SPOCK3: variants seen among roughly 807,000 people sequenced by gnomAD.
SPOCK3 encodes the protein testican-3.
Under a neutral mutation model 56.6 loss-of-function variants are expected in SPOCK3, and 30 were observed. The ratio of observed to expected loss-of-function variants is 0.53; its 90% CI spans 0.40 to 0.72. SPOCK3 has a LOEUF of 0.72. Among genes scored for constraint, SPOCK3 ranks in the 30% least tolerant of loss-of-function variants. The probability of loss-of-function intolerance (pLI) is 0.00; values close to 1 mark genes in which losing one functional copy is unlikely to be tolerated. For synonymous variants in SPOCK3, 196 were observed against 183.3 expected (o/e 1.07, Z -0.56); for missense variants, 527 against 530.0 (o/e 0.99, Z 0.06).
intron 6 of SPOCK3, among the ~76,000 whole-genome samples, chr4:166,847,682 A>ATATATATATATATATATATATAT (rs1560926835): frequency 1.1e-3 from 29 of 27,216 alleles, no homozygotes; most frequent in South Asian, 2.5e-3. Flanking sequence ...TATATATATA[A>ATATATATATATATATATATATAT]GAATCATGTT....
chr4:167,113,372 A>AAT (rs771176963), intron 2 of SPOCK3, among the ~76,000 whole-genome samples: 11 of 137,758 alleles, frequency 8.0e-5, no homozygotes, highest in African/African-American at 3.3e-4. Context: ...TTCTTCTTAC[A>AAT]ATTTTTTTTT....
At chr4:167,073,297 G>T (rs757290962) in intron 2 of SPOCK3, among the ~76,000 whole-genome samples, 1 of 151,520 alleles carries the variant, frequency 6.6e-6, no homozygotes, top group Non-Finnish European at 1.5e-5. Flanking sequence ...ATGCATGTCC[G>T]TCTGATTAAA....
intron 5 of SPOCK3, among the ~76,000 whole-genome samples, chr4:166,901,911 T>C (rs1029644416): frequency 1.3e-5 from 2 of 152,082 alleles, no homozygotes; most frequent in African/African-American, 4.8e-5. Flanking sequence ...TGAACAGATT[T>C]GGTTCAAACA....
Position 166,980,780 on chromosome 4 carries a change from C to T in SPOCK3, c.350+19569G>A, listed in dbSNP as rs563687820. Among the ~76,000 whole-genome samples the T allele has an allele frequency of 2.6e-5, 4 of 152,310 alleles. No individual in the cohort carries two copies. In the East Asian group the frequency reaches 7.7e-4, roughly 29 times the overall value. On this transcript the variant is annotated intron_variant, in intron 4 of 10. Coordinates refer to ENST00000357545, the MANE Select transcript of SPOCK3 (RefSeq NM_001040159.2). ...CCTGTGTGAGGGGAATGTGGCAATG[C>T]CTAGAAGCTTGGAGCCACTAGAAAC...
chr4:166,748,466 A>T lies in SPOCK3; in HGVS notation c.931+6042T>A, dbSNP rs1324076731. On this transcript the variant is annotated intron_variant, in intron 8 of 10. Coordinates refer to ENST00000357545, the MANE Select transcript of SPOCK3 (RefSeq NM_001040159.2). ...AGCTGAAACTGGATGCCTTCCTTAC[A>T]TCATATACAAAAGTTAACTCAAGAT... is the stretch of plus-strand genomic sequence containing the variant. Among the ~76,000 whole-genome samples, 6 of 137,212 alleles carry T rather than the reference A, an allele frequency of 4.4e-5. 2 individuals are homozygous for T. The highest frequency in any genetic ancestry group is 1.9e-4 in the African/African-American group (6 of 32,176). 90.0% of individuals were successfully genotyped at this position (137,212 alleles called of 152,430 possible).
intron 7 of SPOCK3, among the ~76,000 whole-genome samples, chr4:166,787,695 A>G (rs1740882530): frequency 6.6e-6 from 1 of 152,180 alleles, no homozygotes; most frequent in African/African-American, 2.4e-5. Context: ...CAATTCACAT[A>G]ATTTTAAAAA....
At position 166,978,611 on chromosome 4, in the gene SPOCK3, A is replaced by T. The variant is rs1162180814; in HGVS notation, c.350+21738T>A. 2.0e-5 allele frequency among the ~76,000 whole-genome samples: 3 copies of T among 152,184 alleles called. No individual in the cohort carries two copies. In the South Asian group the frequency reaches 6.2e-4, roughly 32 times the overall value. On this transcript the variant is annotated intron_variant, in intron 4 of 10. Coordinates refer to ENST00000357545, the MANE Select transcript of SPOCK3 (RefSeq NM_001040159.2). The stretch of plus-strand genomic sequence containing the variant: ...GCTTGGAGTGATGTACTTTATATAA[A>T]TTGCCACTTGCATTAACAGTTTAAA...
At chr4:166,979,489 T>G (rs1746345770) in intron 4 of SPOCK3, among the ~76,000 whole-genome samples, 1 of 152,252 alleles carries the variant, frequency 6.6e-6, no homozygotes, top group Non-Finnish European at 1.5e-5. Flanking sequence ...CCATCTGTTT[T>G]GCTCTGAATA....
At chr4:166,986,460 G>A (rs888201577) in intron 4 of SPOCK3, among the ~76,000 whole-genome samples, 1 of 152,090 alleles carries the variant, frequency 6.6e-6, no homozygotes, top group African/African-American at 2.4e-5. Context: ...GCCTTGTCAC[G>A]GTGTCCCCTT....
intron 8 of SPOCK3, 43 bp downstream of exon 8, chr4:166,754,464 CA>C (rs1241188872): frequency 6.4e-7 from 1 of 1,569,518 alleles, no homozygotes; most frequent in Non-Finnish European, 8.6e-7. Context: ...TAAAATTTGA[CA>C]TGCAGGTCAA....
chr4:166,875,583 C>T (rs972620439), intron 6 of SPOCK3, among the ~76,000 whole-genome samples: 3 of 151,958 alleles, frequency 2.0e-5, no homozygotes, highest in Non-Finnish European at 2.9e-5. Flanking sequence ...ATACCCACAC[C>T]CTCTTTAAGA....
intron 8 of SPOCK3, among the ~76,000 whole-genome samples, chr4:166,746,127 C>T (rs1735576968): frequency 6.6e-6 from 1 of 152,124 alleles, no homozygotes; most frequent in East Asian, 1.9e-4. Context: ...CAGCTCTGCA[C>T]CAAGCAGACT....
At position 167,167,615 on chromosome 4, in the gene SPOCK3, C is replaced by CT. The variant is rs559635967; in HGVS notation, c.189+66369dup. Reference sequence around the variant, plus strand: ...TCATCCTAAGAAGTACAAAACCCCACTTTCTGTGATAGAGGATCTGTATAG... The same window carrying CT: ...TCATCCTAAGAAGTACAAAACCCCACTTTTCTGTGATAGAGGATCTGTATAG... On this transcript the variant is annotated intron_variant, in intron 2 of 10. Transcript: ENST00000357545. Among the ~76,000 whole-genome samples the CT allele has an allele frequency of 3.0e-4, 45 of 152,280 alleles. No homozygotes were observed. The East Asian group carries it at 8.3e-3, about 28-fold the overall frequency.
At chr4:167,062,908 A>AAGCTAATTACCTAT (rs1755751216) in intron 2 of SPOCK3, among the ~76,000 whole-genome samples, 1 of 151,868 alleles carries the variant, frequency 6.6e-6, no homozygotes, top group Non-Finnish European at 1.5e-5. Flanking sequence ...TAATTACCTA[A>AAGCTAATTACCTAT]AGCTAATAAG....
At chr4:166,885,111 A>C (rs1734060370) in intron 6 of SPOCK3, among the ~76,000 whole-genome samples, 1 of 151,864 alleles carries the variant, frequency 6.6e-6, no homozygotes, top group African/African-American at 2.4e-5. Flanking sequence ...CAGATTACTA[A>C]ATTCAGAATA....
intron 3 of SPOCK3, among the ~76,000 whole-genome samples, chr4:167,046,639 G>A (rs1400731745): frequency 1.3e-5 from 2 of 151,178 alleles, no homozygotes; most frequent in African/African-American, 4.9e-5. Flanking sequence ...ATGTTTTTTA[G>A]TAGAGATGAA....
At chr4:167,084,469 C>A (rs935192593) in intron 2 of SPOCK3, among the ~76,000 whole-genome samples, 1 of 152,132 alleles carries the variant, frequency 6.6e-6, no homozygotes, top group African/African-American at 2.4e-5. Context: ...AAGGCAAATA[C>A]ACTGATGTCA....
At chr4:167,068,882 GA>G (rs1490417818) in intron 2 of SPOCK3, among the ~76,000 whole-genome samples, 1 of 151,904 alleles carries the variant, frequency 6.6e-6, no homozygotes, top group Non-Finnish European at 1.5e-5. Flanking sequence ...ATGGGAGCAA[GA>G]AGAGAAAACA....
At chr4:167,087,079 A>G (rs1758266933) in intron 2 of SPOCK3, among the ~76,000 whole-genome samples, 1 of 152,120 alleles carries the variant, frequency 6.6e-6, no homozygotes. Flanking sequence ...AAAATGATCT[A>G]AATAATTTGT....
Sources: allele counts gnomAD v4.1 joint callset (sites outside exome capture counted in the v4.1 genomes callset), GRCh38; gene constraint gnomAD v4.1.1; transcripts MANE v1.5; gene names NCBI Gene and HGNC (gene_info 2026-07-23, HGNC 2026-07-21).